The following RNF130 variants were observed in gnomAD, a reference collection of about 807,000 sequenced individuals.
RNF130 encodes E3 ubiquitin-protein ligase RNF130.
A neutral mutation model predicts 44.6 loss-of-function variants in RNF130; 21 were observed. The observed-to-expected ratio is 0.47, with a 90% CI of 0.33 to 0.68. The LOEUF (loss-of-function observed/expected upper bound fraction) is 0.68, where lower values mean the gene tolerates loss of function less well. RNF130 is among the 30% of genes least tolerant of loss of function. RNF130 has a pLI of 0.02. For synonymous variants in RNF130, 214 were observed against 210.4 expected (o/e 1.02, Z -0.15); for missense variants, 479 against 560.6 (o/e 0.85, Z 1.47).
chr5:179,974,744 GT>G, intron 5 of RNF130, among the ~76,000 whole-genome samples: 1 of 152,396 alleles, frequency 6.6e-6, no homozygotes, highest in East Asian at 1.9e-4. Flanking sequence ...GGAAATGCGA[GT>G]GTCACGAGAT....
chr5:179,992,900 G>C (rs956782899), intron 3 of RNF130, among the ~76,000 whole-genome samples: 1 of 152,102 alleles, frequency 6.6e-6, no homozygotes, highest in African/African-American at 2.4e-5. Context: ...ACAGGCCCCA[G>C]TGTGTGATGT....
chr5:179,991,155 T>C (rs888136465), intron 3 of RNF130, among the ~76,000 whole-genome samples: 1 of 152,198 alleles, frequency 6.6e-6, no homozygotes. Flanking sequence ...TCTTTCCCTA[T>C]CTGCTGAGAA....
intron 2 of RNF130, among the ~76,000 whole-genome samples, chr5:180,029,418 T>C (rs1355094425): frequency 6.6e-6 from 1 of 151,724 alleles, no homozygotes; most frequent in East Asian, 1.9e-4. Flanking sequence ...CAGGAGACAA[T>C]GGGCAACAGC....
intron 7 of RNF130, among the ~76,000 whole-genome samples, chr5:179,920,891 C>A (rs1761622008): frequency 6.6e-6 from 1 of 150,924 alleles, no homozygotes; most frequent in Admixed American, 6.6e-5. Context: ...CTATGTTGAT[C>A]CTTCCGAATT....
At chr5:179,971,550 T>C (rs1178987315) in intron 5 of RNF130, among the ~76,000 whole-genome samples, 2 of 152,180 alleles carry the variant, frequency 1.3e-5, no homozygotes, top group African/African-American at 4.8e-5. Flanking sequence ...TTTGTATTTT[T>C]AGTAGAGACG....
At chr5:179,946,487 T>G (rs1460949260) in intron 7 of RNF130, among the ~76,000 whole-genome samples, 1 of 152,124 alleles carries the variant, frequency 6.6e-6, no homozygotes, top group Non-Finnish European at 1.5e-5. Context: ...AAGTGGATAA[T>G]TTCTACAAAT....
chr5:179,963,755 G>T, intron 7 of RNF130, 191 bp from the exon 8 acceptor site: 1 of 586,956 alleles, frequency 1.7e-6, no homozygotes, highest in Non-Finnish European at 3.1e-6. Context: ...ACTGGTGAAA[G>T]CTGCAAGGGA....
chr5:179,995,884 C>A (rs1318906705), intron 3 of RNF130, among the ~76,000 whole-genome samples: 1 of 152,208 alleles, frequency 6.6e-6, no homozygotes, highest in Non-Finnish European at 1.5e-5. Flanking sequence ...AATGATGTGA[C>A]TATCTGCACA....
chr5:179,946,608 C>G (rs1004971698), intron 7 of RNF130, among the ~76,000 whole-genome samples: 45 of 149,788 alleles, frequency 3.0e-4, no homozygotes, highest in African/African-American at 1.0e-3. Context: ...GGCTGGAGTG[C>G]AGTGGTGTGA....
chr5:180,027,094 C>G (rs980406203), intron 2 of RNF130, among the ~76,000 whole-genome samples: 3 of 152,176 alleles, frequency 2.0e-5, no homozygotes, highest in Non-Finnish European at 4.4e-5. Flanking sequence ...GCTGCCAAAC[C>G]ACTGCTTCTG....
intron 7 of RNF130, among the ~76,000 whole-genome samples, chr5:179,936,133 T>C (rs1345707417): frequency 6.6e-6 from 1 of 152,226 alleles, no homozygotes; most frequent in Admixed American, 6.5e-5. Flanking sequence ...TTCTTTTCTC[T>C]TATCTTGAGA....
chr5:180,049,765 T>C lies in RNF130; in HGVS notation c.248-9118A>G, dbSNP rs1764646742. On this transcript the variant is annotated intron_variant, in intron 1 of 8. Coordinates refer to ENST00000521389, the MANE Select transcript of RNF130 (RefSeq NM_018434.6). Reference sequence around the variant, plus strand: ...TATGATATAGCTGGATTCATCTCTATTATTTTATTGTGTTCTTATTTATTC... The same window carrying C: ...TATGATATAGCTGGATTCATCTCTACTATTTTATTGTGTTCTTATTTATTC... 2.6e-5 allele frequency among the ~76,000 whole-genome samples: 4 copies of C among 152,228 alleles called. No homozygotes were observed. The South Asian group carries it at 8.3e-4, about 32-fold the overall frequency.
chr5:180,066,954 C>T (rs766846545), intron 1 of RNF130, among the ~76,000 whole-genome samples: 41 of 152,180 alleles, frequency 2.7e-4, no homozygotes, highest in Non-Finnish European at 4.9e-4. Context: ...ACTCAACTCC[C>T]CGAGGTCAAG....
intron 1 of RNF130, among the ~76,000 whole-genome samples, chr5:180,060,817 C>A (rs1170651662): frequency 6.6e-6 from 1 of 152,164 alleles, no homozygotes; most frequent in Non-Finnish European, 1.5e-5. Flanking sequence ...CGCCTGTAAT[C>A]CCAGCACTTT....
chr5:179,976,631 T>C (rs1762721208), intron 5 of RNF130: 3 of 152,208 alleles, frequency 2.0e-5, no homozygotes, highest in Non-Finnish European at 2.9e-5. Context: ...TAAACTAGAA[T>C]GACTGGACTT....
intron 3 of RNF130, among the ~76,000 whole-genome samples, chr5:180,001,402 G>A (rs1193790783): frequency 6.6e-6 from 1 of 152,178 alleles, no homozygotes; most frequent in Non-Finnish European, 1.5e-5. Context: ...TGTATTTGTG[G>A]CACCTGTGGC....
intron 1 of RNF130, among the ~76,000 whole-genome samples, chr5:180,065,593 T>C (rs1246585738): frequency 6.6e-6 from 1 of 152,092 alleles, no homozygotes; most frequent in Non-Finnish European, 1.5e-5. Flanking sequence ...ACCCCGTCTC[T>C]ACTAAAACTA....
intron 3 of RNF130, among the ~76,000 whole-genome samples, chr5:180,010,950 T>C (rs1230837982): frequency 6.6e-6 from 1 of 152,190 alleles, no homozygotes; most frequent in Non-Finnish European, 1.5e-5. Context: ...GATCAGTGGA[T>C]TGCATCCATG....
chr5:179,966,791 G>T lies in RNF130; in HGVS notation c.1150+15C>A. ...CAGCCACATGCCCTGTGCCTGAGCG[G>T]AGGCCCCCACTTACTTGTTACTGCA... is the stretch of plus-strand genomic sequence containing the variant. On this transcript the variant is annotated intron_variant, in intron 7 of 8. Coordinates refer to ENST00000521389, the MANE Select transcript of RNF130 (RefSeq NM_018434.6). 6.2e-7 allele frequency: 1 copy of T among 1,609,494 alleles called. No individual in the cohort carries two copies. Among genetic ancestry groups the T allele is most frequent in the African/African-American group, 1.3e-5 (1 of 74,944 alleles).
Sources: gnomAD v4.1 joint callset for allele counts (sites outside exome capture counted in the v4.1 genomes callset) on GRCh38, gnomAD v4.1.1 for gene constraint, MANE v1.5 for transcripts, NCBI Gene and HGNC (gene_info 2026-07-23, HGNC 2026-07-21) for gene names.